BAZ2B: variants seen among roughly 807,000 people sequenced by gnomAD.
The protein encoded by BAZ2B is bromodomain adjacent to zinc finger domain 2B, also known as bromodomain adjacent to zinc finger domain protein 2B.
In BAZ2B, 91 loss-of-function variants were observed where a neutral mutation model predicts 246.0. The ratio of observed to expected loss-of-function variants is 0.37; its 90% CI spans 0.31 to 0.44. The LOEUF is 0.44. Among genes scored for constraint, BAZ2B ranks in the 20% least tolerant of loss-of-function variants. The pLI, the probability that BAZ2B is intolerant of heterozygous loss-of-function variation, is 1.00. For synonymous variants in BAZ2B, 855 were observed against 860.0 expected, an observed-to-expected ratio of 0.99 and a Z score of 0.10; for missense variants, 2,332 against 2,533.7, an observed-to-expected ratio of 0.92 and a Z score of 1.71.
chr2:159,591,167 A>AT (rs1306327714), intron 1 of BAZ2B, among the ~76,000 whole-genome samples: 6 of 152,250 alleles, frequency 3.9e-5, no homozygotes, highest in Non-Finnish European at 7.3e-5. Context: ...AACATTTAAA[A>AT]GTATAACCAT....
At chr2:159,691,691 G>A in the BAZ2B span, among the ~76,000 whole-genome samples, 9 of 152,122 alleles carry the variant, frequency 5.9e-5, no homozygotes, top group Admixed American at 1.3e-4. Context: ...CACTAGTAGC[G>A]CTTGGTATGG....
At chr2:159,692,301 C>T in the BAZ2B span, among the ~76,000 whole-genome samples, 1 of 151,914 alleles carries the variant, frequency 6.6e-6, no homozygotes, top group Admixed American at 6.6e-5. Flanking sequence ...AGTACAGGCA[C>T]GCACAGTACC....
intron 31 of BAZ2B, among the ~76,000 whole-genome samples, chr2:159,339,430 C>A (rs1349435245): frequency 6.6e-6 from 1 of 152,116 alleles, no homozygotes; most frequent in Non-Finnish European, 1.5e-5. Context: ...GAAAACTTCC[C>A]CCTAACTCAC....
At chr2:159,429,980 T>G (rs13034428) in intron 10 of BAZ2B, among the ~76,000 whole-genome samples, 69,379 of 151,860 alleles carry the variant, frequency 0.46, 17,305 homozygotes, top group Middle Eastern at 0.59. Flanking sequence ...ATTAAGTGTA[T>G]AAATGTTTAA....
chr2:159,424,478 C>T (rs1041418309), intron 13 of BAZ2B, among the ~76,000 whole-genome samples: 1 of 152,024 alleles, frequency 6.6e-6, no homozygotes, highest in Non-Finnish European at 1.5e-5. Flanking sequence ...GTATTATCTC[C>T]TAAATTTTAT....
At chr2:159,408,481 A>G (rs543446328) in intron 14 of BAZ2B, among the ~76,000 whole-genome samples, 13 of 152,316 alleles carry the variant, frequency 8.5e-5, no homozygotes, top group Admixed American at 2.6e-4. Context: ...CCAGTAATTT[A>G]AAAAAATATT....
chr2:159,638,015 G>GTAGT, the BAZ2B span, among the ~76,000 whole-genome samples: 1 of 152,258 alleles, frequency 6.6e-6, no homozygotes, highest in South Asian at 2.1e-4. Context: ...TGCAGTAACA[G>GTAGT]TAGTGGTGGC....
chr2:159,462,934 G>C (rs2076591473), intron 3 of BAZ2B: 1 of 1,372,056 alleles, frequency 7.3e-7, no homozygotes, highest in Non-Finnish European at 1.0e-6. Context: ...TTTGGCTGGG[G>C]GTCACTTGCT....
At chr2:159,362,177 C>A (rs1200920943) in intron 27 of BAZ2B, among the ~76,000 whole-genome samples, 5 of 151,394 alleles carry the variant, frequency 3.3e-5, no homozygotes, top group Non-Finnish European at 5.9e-5. Context: ...AAAAAAAAAT[C>A]CTTGGTTTTG....
chr2:159,612,795 G>A (rs1694977902), intron 1 of BAZ2B, among the ~76,000 whole-genome samples: 1 of 152,108 alleles, frequency 6.6e-6, no homozygotes, highest in Non-Finnish European at 1.5e-5. Context: ...AGAAGGAACA[G>A]TTATGCACTC....
chr2:159,504,696 T>A lies in BAZ2B; in HGVS notation c.-2-25975A>T, dbSNP rs562672395. ...GGGATTAATCCAGTCACATTTGGTT[T>A]ATCAGTCCCATATTGAACATCCTTC... is the stretch of plus-strand genomic sequence containing the variant. On this transcript the variant is annotated intron_variant, in intron 2 of 36. Coordinates refer to ENST00000392783, the MANE Select transcript of BAZ2B (RefSeq NM_013450.4). Among the ~76,000 whole-genome samples, 10 of 152,356 alleles carry A rather than the reference T, an allele frequency of 6.6e-5. No homozygotes were observed. In the South Asian group the frequency reaches 2.1e-3, roughly 32 times the overall value.
At chr2:159,681,244 A>C in the BAZ2B span, among the ~76,000 whole-genome samples, 1 of 152,126 alleles carries the variant, frequency 6.6e-6, no homozygotes, top group Non-Finnish European at 1.5e-5. Flanking sequence ...CAAAATTAAT[A>C]ATCAGAACAC....
chr2:159,501,138 T>A (rs866981632), intron 2 of BAZ2B, among the ~76,000 whole-genome samples: 1,056 of 76,722 alleles, frequency 0.014, 23 homozygotes, highest in African/African-American at 0.057. Context: ...ATATATATAT[T>A]TTATATATAT....
At chr2:159,710,258 G>T in the BAZ2B span, among the ~76,000 whole-genome samples, 9 of 150,814 alleles carry the variant, frequency 6.0e-5, no homozygotes, top group Non-Finnish European at 1.2e-4. Context: ...GCCCAGGCTG[G>T]AGTGCAGTGG....
At chr2:159,636,007 T>C in the BAZ2B span, among the ~76,000 whole-genome samples, 1 of 152,176 alleles carries the variant, frequency 6.6e-6, no homozygotes, top group South Asian at 2.1e-4. Flanking sequence ...CAGTGAACCA[T>C]GTTCATGCCA....
intron 3 of BAZ2B, among the ~76,000 whole-genome samples, chr2:159,469,585 G>A (rs182927509): frequency 4.7e-4 from 71 of 152,076 alleles, no homozygotes; most frequent in African/African-American, 1.5e-3. Flanking sequence ...ACAGGTGCCC[G>A]CCACCATGCC....
At chr2:159,411,088 C>CAT (rs1465260750) in intron 14 of BAZ2B, among the ~76,000 whole-genome samples, 1 of 152,180 alleles carries the variant, frequency 6.6e-6, no homozygotes, top group Non-Finnish European at 1.5e-5. Flanking sequence ...GTGGCATGAT[C>CAT]ATAGCTCACT....
chr2:159,499,185 C>T (rs1370433954), intron 2 of BAZ2B, among the ~76,000 whole-genome samples: 1 of 152,134 alleles, frequency 6.6e-6, no homozygotes, highest in Non-Finnish European at 1.5e-5. Flanking sequence ...CCCGTCCCCG[C>T]CACTCCGACA....
chr2:159,620,375 C>T (rs183713646), upstream of BAZ2B, among the ~76,000 whole-genome samples: 2 of 152,136 alleles, frequency 1.3e-5, no homozygotes, highest in Non-Finnish European at 2.9e-5. Flanking sequence ...CTATATGCTA[C>T]GCGCTATGCT....
Sources: allele counts gnomAD v4.1 joint callset (sites outside exome capture counted in the v4.1 genomes callset), GRCh38; gene constraint gnomAD v4.1.1; transcripts MANE v1.5; gene names NCBI Gene and HGNC (gene_info 2026-07-23, HGNC 2026-07-21).